Variants in ANKRD42 observed in about 807,000 individuals in gnomAD.
The protein encoded by ANKRD42 is ankyrin repeat domain 42.
In ANKRD42, 43 loss-of-function variants were observed where a neutral mutation model predicts 51.5. That is an observed-to-expected ratio of 0.83 (90% confidence interval 0.65 to 1.08). ANKRD42 has a LOEUF of 1.08. ANKRD42 is among the 50% of genes least tolerant of loss of function. ANKRD42 has a pLI of 0.00. For synonymous variants in ANKRD42, 203 were observed against 213.0 expected (o/e 0.95, Z 0.41); for missense variants, 608 against 629.3 (o/e 0.97, Z 0.36).
downstream of ANKRD42, among the ~76,000 whole-genome samples, chr11:83,250,084 G>T (rs1863648110): frequency 6.6e-6 from 1 of 152,066 alleles, no homozygotes. Flanking sequence ...GAATTTATCT[G>T]GGAGTCTAAT....
chr11:83,204,236 C>T (rs2135488037), intron 2 of ANKRD42, among the ~76,000 whole-genome samples: 1 of 152,278 alleles, frequency 6.6e-6, no homozygotes, highest in South Asian at 2.1e-4. Context: ...AACCACTGCA[C>T]CCAGCCGGTC....
intron 8 of ANKRD42, among the ~76,000 whole-genome samples, chr11:83,239,373 G>A (rs952465313): frequency 2.6e-5 from 4 of 151,794 alleles, no homozygotes; most frequent in South Asian, 4.1e-4. Context: ...GTTGTATCTC[G>A]TTTTTTCATT....
intron 9 of ANKRD42, among the ~76,000 whole-genome samples, chr11:83,243,994 T>TTTTG (rs1863469615): frequency 1.8e-5 from 2 of 111,690 alleles, no homozygotes; most frequent in African/African-American, 3.3e-5. Flanking sequence ...TTTTTTTTTT[T>TTTTG]TTATTGAGAC....
At chr11:83,221,358 A>G (rs1417814437) in intron 5 of ANKRD42, among the ~76,000 whole-genome samples, 1 of 152,208 alleles carries the variant, frequency 6.6e-6, no homozygotes, top group Non-Finnish European at 1.5e-5. Flanking sequence ...GAGAACTCAC[A>G]TATTGCCATC....
At chr11:83,244,067 C>T (rs1423304899) in intron 9 of ANKRD42, among the ~76,000 whole-genome samples, 1 of 142,290 alleles carries the variant, frequency 7.0e-6, no homozygotes, top group Admixed American at 7.4e-5. Context: ...CTGCATCCTT[C>T]ATCTCCTGGG....
intron 2 of ANKRD42, among the ~76,000 whole-genome samples, chr11:83,199,518 A>G (rs1407955003): frequency 6.6e-6 from 1 of 152,002 alleles, no homozygotes; most frequent in Non-Finnish European, 1.5e-5. Context: ...ATCAGAATTT[A>G]TCTGTTTTTG....
downstream of ANKRD42, chr11:83,259,079 G>C (rs181902969): frequency 6.6e-6 from 1 of 152,166 alleles, no homozygotes; most frequent in Non-Finnish European, 1.5e-5. Flanking sequence ...AAAAAGTTTG[G>C]ATTAAGGTCA....
intron 8 of ANKRD42, among the ~76,000 whole-genome samples, chr11:83,238,438 G>C (rs1863285110): frequency 1.3e-5 from 2 of 152,182 alleles, no homozygotes; most frequent in Admixed American, 1.3e-4. Context: ...GCTCACACCT[G>C]TAATCCCAGC....
downstream of ANKRD42, among the ~76,000 whole-genome samples, chr11:83,253,920 A>G (rs543734888): frequency 6.6e-6 from 1 of 152,242 alleles, no homozygotes; most frequent in East Asian, 1.9e-4. Context: ...GAAAATTTGG[A>G]ATCCTCTTCT....
chr11:83,198,618 G>A lies in ANKRD42; in HGVS notation c.198G>A (p.Trp66Ter). ...TCCATAAGTTTACCCCTTTACATTG[G>A]GCAGCACATTCTGGAAGTTTGGAGG... The part of the protein sequence containing the change: ...DVLHKFTPLH[W>*]AAHSGSLECL... The change falls in exon 2 of 11, where the codon TGG (tryptophan) becomes TGA (stop). Residue 66 changes from tryptophan to a stop codon, truncating the protein, a stop_gained. Transcript: ENST00000533342. LOFTEE classifies it high-confidence loss of function. The A allele has an allele frequency of 6.2e-7, 1 of 1,604,436 alleles. No homozygotes were observed.
intron 5 of ANKRD42, among the ~76,000 whole-genome samples, chr11:83,219,483 G>A (rs936523832): frequency 2.6e-5 from 4 of 152,204 alleles, no homozygotes; most frequent in African/African-American, 4.8e-5. Flanking sequence ...GAGGCGTATA[G>A]TAAGTTTAAA....
chr11:83,252,033 AAAG>A (rs1191336929), downstream of ANKRD42, among the ~76,000 whole-genome samples: 1 of 152,250 alleles, frequency 6.6e-6, no homozygotes, highest in African/African-American at 2.4e-5. Flanking sequence ...CCTATCTGAA[AAAG>A]AAGTTGTATC....
chr11:83,204,562 G>A (rs1454882694), intron 2 of ANKRD42, among the ~76,000 whole-genome samples: 1 of 151,858 alleles, frequency 6.6e-6, no homozygotes, highest in Admixed American at 6.6e-5. Flanking sequence ...TTCAATAGAA[G>A]CCCAAATGCC....
chr11:83,214,996 C>T (rs1276282136), intron 5 of ANKRD42: 1 of 152,152 alleles, frequency 6.6e-6, no homozygotes, highest in Non-Finnish European at 1.5e-5. Flanking sequence ...TCTTTCTGTG[C>T]TTGACTTATT....
chr11:83,193,868 A>G lies in ANKRD42; in HGVS notation c.-803A>G, dbSNP rs777759245. On this transcript the variant is annotated 5_prime_UTR_variant, in exon 1 of 11. Transcript: ENST00000533342. ...GAAGACGGTGGCCGCCGCACTAGCC[A>G]CCACGTGTGGAGGATAAACGGTCTA... The G allele has an allele frequency of 7.9e-5, 36 of 455,106 alleles. 1 individual carries two copies. Among genetic ancestry groups the G allele is most frequent in the South Asian group, 5.6e-4 (36 of 64,510 alleles). The allele number at this position is 455,106 out of a possible 1,614,324, so 28.2% of individuals were successfully genotyped here.
intron 8 of ANKRD42, 58 bp downstream of exon 8, chr11:83,236,567 T>A: frequency 7.4e-7 from 1 of 1,352,622 alleles, no homozygotes; most frequent in Non-Finnish European, 1.0e-6. Context: ...TGCGTATACT[T>A]TTTTGGACTC....
Position 83,236,392 on chromosome 11 carries a change from T to C in ANKRD42, c.914-12T>C, listed in dbSNP as rs751101059. ...GTGTGTAATTCCTGTTCTTTTTCCTTTTTTTGAACAGCTGCTGGACAAGGC... is the reference window on the plus strand; with the variant it reads ...GTGTGTAATTCCTGTTCTTTTTCCTCTTTTTGAACAGCTGCTGGACAAGGC... On this transcript the variant is annotated splice_polypyrimidine_tract_variant and intron_variant, in intron 7 of 10. Coordinates refer to ENST00000533342, the MANE Select transcript of ANKRD42 (RefSeq NM_001300975.2). 1 of 1,581,392 alleles carries C rather than the reference T, an allele frequency of 6.3e-7. No homozygotes were observed. Among genetic ancestry groups the C allele is most frequent in the Non-Finnish European group, 8.6e-7 (1 of 1,168,602 alleles).
At chr11:83,252,869 A>G (rs1380130554), downstream of ANKRD42, among the ~76,000 whole-genome samples, 1 of 151,768 alleles carries the variant, frequency 6.6e-6, no homozygotes, top group African/African-American at 2.4e-5. Flanking sequence ...TATACTTAAT[A>G]CATATACTTA....
chr11:83,245,756 C>A, intron 10 of ANKRD42, 132 bp downstream of exon 10: 3 of 1,008,312 alleles, frequency 3.0e-6, no homozygotes, highest in Non-Finnish European at 4.2e-6. Context: ...TTCTCCTAAG[C>A]CCTTAGATGA....
Sources: allele counts gnomAD v4.1 joint callset (sites outside exome capture counted in the v4.1 genomes callset), GRCh38; gene constraint gnomAD v4.1.1; transcripts MANE v1.5; gene names NCBI Gene and HGNC (gene_info 2026-07-23, HGNC 2026-07-21).